The following XYLT1 variants were observed in gnomAD, a reference collection of about 807,000 sequenced individuals.
XYLT1 encodes the protein beta-D-xylosyltransferase 1.
In XYLT1, 36 loss-of-function variants were observed where a neutral mutation model predicts 91.3. The ratio of observed to expected loss-of-function variants is 0.39; its 90% CI spans 0.30 to 0.52. XYLT1 has a LOEUF of 0.52. XYLT1 is among the 20% of genes least tolerant of loss of function. The pLI is 0.68. For synonymous variants in XYLT1, 588 were observed against 532.0 expected, an observed-to-expected ratio of 1.11 and a Z score of -1.45; for missense variants, 1,242 against 1,284.5, an observed-to-expected ratio of 0.97 and a Z score of 0.51.
chr16:17,102,989 A>G lies in XYLT1; in HGVS notation c.*5706T>C, dbSNP rs1966727078. 6.6e-6 allele frequency: 1 copy of G among 152,570 alleles called. No homozygotes were observed. The highest frequency in any genetic ancestry group is 2.4e-5 in the African/African-American group (1 of 41,442). The allele number at this position is 152,570 out of a possible 1,614,324, so 9.5% of individuals were successfully genotyped here. A position where few individuals can be genotyped will look rare whatever the true frequency, so the allele number is the denominator to read the frequency against. On this transcript the variant is annotated 3_prime_UTR_variant, in exon 12 of 12. Coordinates refer to ENST00000261381, the MANE Select transcript of XYLT1 (RefSeq NM_022166.4). ...AAAAGGCAAAAGGACTACAAAGACA[A>G]TTGCGCACAATTCCAGTGAATTTCC... is the stretch of plus-strand genomic sequence containing the variant.
At chr16:17,357,132 ATG>A in intron 2 of XYLT1, among the ~76,000 whole-genome samples, 1 of 132,896 alleles carries the variant, frequency 7.5e-6, no homozygotes, top group Non-Finnish European at 1.6e-5. Flanking sequence ...AGCCGAGATC[ATG>A]CCACTGCACT....
chr16:17,216,266 G>C (rs941104249), intron 3 of XYLT1, among the ~76,000 whole-genome samples: 1 of 152,170 alleles, frequency 6.6e-6, no homozygotes, highest in Non-Finnish European at 1.5e-5. Flanking sequence ...TACAAATGGA[G>C]CCTCTCGAGG....
At chr16:17,162,399 G>A (rs1368806990) in intron 5 of XYLT1, among the ~76,000 whole-genome samples, 2 of 96,032 alleles carry the variant, frequency 2.1e-5, no homozygotes, top group South Asian at 4.2e-4. Context: ...GAAAGAGTGA[G>A]ACTCTGTCTC....
chr16:17,135,048 ACAT>A (rs1411696567), intron 8 of XYLT1, among the ~76,000 whole-genome samples: 1 of 152,202 alleles, frequency 6.6e-6, no homozygotes, highest in African/African-American at 2.4e-5. Context: ...TGGATCTCAG[ACAT>A]CATTTAGGTA....
At position 17,360,141 on chromosome 16, in the gene XYLT1, G is replaced by C. The variant is rs2035362048; in HGVS notation, c.364-2091C>G. On this transcript the variant is annotated intron_variant, in intron 1 of 11. Coordinates refer to ENST00000261381, the MANE Select transcript of XYLT1 (RefSeq NM_022166.4). ...CCTCAAAATTAGCCTCAATCTCCAAGCCAAGTGCTAGCAAAGCACCAGACT... is the reference window on the plus strand; with the variant it reads ...CCTCAAAATTAGCCTCAATCTCCAACCCAAGTGCTAGCAAAGCACCAGACT... 2.0e-5 allele frequency among the ~76,000 whole-genome samples: 3 copies of C among 152,312 alleles called. No homozygotes were observed. In the South Asian group the frequency reaches 6.2e-4, roughly 32 times the overall value.
chr16:17,176,974 C>G (rs1860936477), intron 5 of XYLT1, among the ~76,000 whole-genome samples: 1 of 152,108 alleles, frequency 6.6e-6, no homozygotes, highest in Non-Finnish European at 1.5e-5. Flanking sequence ...ACTCCTTAAC[C>G]TGGCTCTAAA....
chr16:17,271,370 A>C (rs950156297), intron 2 of XYLT1, among the ~76,000 whole-genome samples: 8 of 152,076 alleles, frequency 5.3e-5, no homozygotes, highest in African/African-American at 1.9e-4. Context: ...AGAGACACAG[A>C]GAGACAAAGA....
chr16:17,166,787 A>C (rs983211722), intron 5 of XYLT1, among the ~76,000 whole-genome samples: 1 of 151,580 alleles, frequency 6.6e-6, no homozygotes, highest in Non-Finnish European at 1.5e-5. Flanking sequence ...TGCTGGGACC[A>C]CAGACATGAG....
chr16:17,234,745 G>T (rs556621048), intron 3 of XYLT1, among the ~76,000 whole-genome samples: 1 of 148,828 alleles, frequency 6.7e-6, no homozygotes, highest in East Asian at 1.9e-4. Flanking sequence ...CAACCCTAAG[G>T]TTCAAGTCTA....
intron 2 of XYLT1, among the ~76,000 whole-genome samples, chr16:17,270,408 G>A (rs1265033595): frequency 2.6e-5 from 4 of 152,200 alleles, no homozygotes; most frequent in African/African-American, 4.8e-5. Flanking sequence ...GGACATGACA[G>A]TGACAGTCAC....
intron 1 of XYLT1, among the ~76,000 whole-genome samples, chr16:17,433,147 G>C (rs1419450019): frequency 6.6e-6 from 1 of 152,160 alleles, no homozygotes; most frequent in East Asian, 1.9e-4. Flanking sequence ...AACTTGCTAA[G>C]TGGAGAGCCA....
Position 17,426,943 on chromosome 16 carries a change from G to A in XYLT1, c.363+43491C>T, listed in dbSNP as rs2036325900. On this transcript the variant is annotated intron_variant, in intron 1 of 11. Transcript: ENST00000261381. ...CAAAAATATAGGGTAAAGCATCCCA[G>A]ATAGAAGAAGGAACAAGTGCAAGGG... Among the ~76,000 whole-genome samples, 3 of 152,346 alleles carry A rather than the reference G, an allele frequency of 2.0e-5. No individual in the cohort carries two copies. The South Asian group carries it at 6.2e-4, about 32-fold the overall frequency.
intron 2 of XYLT1, among the ~76,000 whole-genome samples, chr16:17,303,701 T>C (rs1018918170): frequency 3.3e-5 from 5 of 152,220 alleles, no homozygotes; most frequent in African/African-American, 9.6e-5. Flanking sequence ...TCACGCCACA[T>C]GTCTGTCTTT....
intron 1 of XYLT1, among the ~76,000 whole-genome samples, chr16:17,458,168 G>C (rs1009021367): frequency 3.3e-5 from 5 of 152,022 alleles, no homozygotes; most frequent in African/African-American, 1.2e-4. Context: ...TTCTCCCCTC[G>C]CTCATTATGA....
chr16:17,308,423 T>C (rs1361206393), intron 2 of XYLT1, among the ~76,000 whole-genome samples: 1 of 152,220 alleles, frequency 6.6e-6, no homozygotes, highest in Non-Finnish European at 1.5e-5. Context: ...GGACAGGCCC[T>C]GAATGAAGAG....
At chr16:17,406,821 C>T (rs1310128922) in intron 1 of XYLT1, among the ~76,000 whole-genome samples, 2 of 152,038 alleles carry the variant, frequency 1.3e-5, no homozygotes, top group African/African-American at 2.4e-5. Flanking sequence ...TCCTTGTTCA[C>T]TCAATGTTCC....
rs2033686105 is a variant in XYLT1, at chr16:17,259,334, C to G, written c.567G>C (p.Gln189His). ...PELAKKPPSR[Q>H]KELLKRKLEQ... ...CCAGCTTCCTTTTCAAAAGCTCCTTCTGTCTACTCGGTGGCTTCTTCGCCA... is the reference window on the plus strand; with the variant it reads ...CCAGCTTCCTTTTCAAAAGCTCCTTGTGTCTACTCGGTGGCTTCTTCGCCA... Residue 189 changes from glutamine (Q) to histidine (H), a missense_variant, in exon 3 of 12, where the codon CAG (glutamine) becomes CAC (histidine). Coordinates refer to ENST00000261381, the MANE Select transcript of XYLT1 (RefSeq NM_022166.4). 1 of 1,614,192 alleles carries G rather than the reference C, an allele frequency of 6.2e-7. No individual in the cohort carries two copies. Among genetic ancestry groups the G allele is most frequent in the Non-Finnish European group, 8.5e-7 (1 of 1,180,040 alleles).
In XYLT1 at chr16:17,447,467, A is replaced by T. The variant is rs1254154829; in HGVS notation, c.363+22967T>A. Among the ~76,000 whole-genome samples, 13 of 152,344 alleles carry T rather than the reference A, an allele frequency of 8.5e-5. No individual in the cohort carries two copies. The East Asian group carries it at 2.3e-3, about 27-fold the overall frequency. On this transcript the variant is annotated intron_variant, in intron 1 of 11. Coordinates refer to ENST00000261381, the MANE Select transcript of XYLT1 (RefSeq NM_022166.4). Reference sequence around the variant, plus strand: ...TTTATAAAACGCTTTAAGCTCCGAAAACATTGTGTCCTGCACAAAGCATGA... The same window carrying T: ...TTTATAAAACGCTTTAAGCTCCGAATACATTGTGTCCTGCACAAAGCATGA...
chr16:17,141,220 G>T lies in XYLT1; in HGVS notation c.1520C>A (p.Thr507Asn), dbSNP rs1290402731. 1 of 1,614,188 alleles carries T rather than the reference G, an allele frequency of 6.2e-7. No individual in the cohort carries two copies. Among genetic ancestry groups the T allele is most frequent in the South Asian group, 1.1e-5 (1 of 91,080 alleles). ...GGTCACCAGATCGTCTGTGGAGAAG[G>T]TCACATATTCTACAAACCTCCGGTT... ...LLNRRFVEYVTFSTDDLVTKM... is the reference protein window; with the variant it reads ...LLNRRFVEYVNFSTDDLVTKM... The change falls in exon 7 of 12, where the codon ACC (threonine) becomes AAC (asparagine). Residue 507 changes from threonine to asparagine, a missense_variant. This residue lies in a region of XYLT1 where 294 missense variants were observed against 376.0 expected (regional missense o/e 0.78). Coordinates refer to ENST00000261381, the MANE Select transcript of XYLT1 (RefSeq NM_022166.4).
Sources: gnomAD v4.1 joint callset for allele counts (sites outside exome capture counted in the v4.1 genomes callset) on GRCh38, gnomAD v4.1.1 for gene constraint, gnomAD v4.1.1 regional missense constraint, MANE v1.5 for transcripts, NCBI Gene and HGNC (gene_info 2026-07-23, HGNC 2026-07-21) for gene names.